Variants in DOCK11 observed in about 807,000 individuals in gnomAD.
DOCK11 encodes dedicator of cytokinesis 11.
Under a neutral mutation model 169.1 loss-of-function variants are expected in DOCK11, and 70 were observed. The ratio of observed to expected loss-of-function variants is 0.41; its 90% CI spans 0.34 to 0.51. The LOEUF (loss-of-function observed/expected upper bound fraction) is 0.51. DOCK11 is among the 20% of genes least tolerant of loss of function. DOCK11 has a pLI of 0.10. For missense variants in DOCK11, 1,166 were observed against 1,538.8 expected (o/e 0.76, Z 4.05); for synonymous variants, 529 against 541.3 (o/e 0.98, Z 0.32).
In DOCK11 at chrX:118,641,269, A is replaced by G. The variant is rs146918611; in HGVS notation, c.4224A>G (p.Val1408=). 1.5e-3 allele frequency: 1,796 copies of G among 1,202,999 alleles called. 1 individual carries two copies. Among genetic ancestry groups the G allele is most frequent in the Non-Finnish European group, 1.9e-3 (1,671 of 889,019 alleles). The change falls in exon 39 of 53, where the codon GTA becomes GTG. Residue 1408 remains valine, a synonymous_variant. Transcript: ENST00000276202. The part of the protein sequence containing the change: ...GNTATEVSLT[V]LDTISFFTQC... Reference sequence around the variant, plus strand: ...CAGCTACTGAAGTTTCCCTAACAGTACTAGACACCATATCATTTTTCACTC... The same window carrying G: ...CAGCTACTGAAGTTTCCCTAACAGTGCTAGACACCATATCATTTTTCACTC...
intron 18 of DOCK11, among the ~76,000 whole-genome samples, chrX:118,589,356 C>G (rs2013915629): frequency 9.0e-6 from 1 of 111,599 alleles, no homozygotes; most frequent in African/African-American, 3.3e-5. Context: ...TTTGTAGACC[C>G]AATGACTCTT....
intron 32 of DOCK11, among the ~76,000 whole-genome samples, 157 bp from the exon 33 acceptor site, chrX:118,627,346 TA>T (rs1191124377): frequency 9.0e-6 from 1 of 110,762 alleles, no homozygotes; most frequent in Non-Finnish European, 1.9e-5. Flanking sequence ...TTTTTTTTTT[TA>T]AAAAAGAGTC....
chrX:118,557,965 C>A (rs1485707597), intron 6 of DOCK11, among the ~76,000 whole-genome samples: 2 of 104,235 alleles, frequency 1.9e-5, no homozygotes, highest in Admixed American at 2.1e-4. Flanking sequence ...CAGTGACTTG[C>A]CTGTGTGAAC....
chrX:118,504,664 G>A (rs1014662777), intron 1 of DOCK11, among the ~76,000 whole-genome samples: 21 of 112,323 alleles, frequency 1.9e-4, no homozygotes, highest in African/African-American at 6.1e-4. Flanking sequence ...CTTAGAATAC[G>A]TTTCTCTTTG....
rs894781576 is a variant in DOCK11, at chrX:118,643,935, C to T, written c.4398+341C>T. On this transcript the variant is annotated intron_variant, in intron 40 of 52. Coordinates refer to ENST00000276202, the MANE Select transcript of DOCK11 (RefSeq NM_144658.4). ...TGGAGGTATATAAGCCATGAGTGCA[C>T]TCATGTCTAAACACTTTGAAAGGAT... Among the ~76,000 whole-genome samples, 5 of 111,727 alleles carry T rather than the reference C, an allele frequency of 4.5e-5. No homozygotes were observed. The East Asian group carries it at 1.1e-3, about 25-fold the overall frequency.
At chrX:118,585,610 G>A (rs1442665978) in intron 16 of DOCK11, among the ~76,000 whole-genome samples, 3 of 107,125 alleles carry the variant, frequency 2.8e-5, no homozygotes, top group Non-Finnish European at 5.8e-5. Flanking sequence ...GTGGGGGCGT[G>A]GATGCTTTTC....
At chrX:118,584,998 T>C (rs760459863) in intron 15 of DOCK11, 43 bp from the exon 16 acceptor site, 1 of 1,164,866 alleles carries the variant, frequency 8.6e-7, no homozygotes, top group African/African-American at 1.8e-5. Context: ...GTGCATTCAG[T>C]AATCATAATT....
At chrX:118,560,271 G>T (rs376580304) in intron 6 of DOCK11, among the ~76,000 whole-genome samples, 3 of 111,487 alleles carry the variant, frequency 2.7e-5, no homozygotes, top group East Asian at 2.8e-4. Flanking sequence ...CAGGTACTTT[G>T]CCAGACGTTA....
In DOCK11 at chrX:118,678,081, T is replaced by C. The variant is rs765812240; in HGVS notation, c.5460+1344T>C. ...ATAAGCAGTTCTGGCTTTTAAAATA[T>C]ATTTATTGTTTTCTCAGTTTGTGAA... is the stretch of plus-strand genomic sequence containing the variant. On this transcript the variant is annotated intron_variant, in intron 48 of 52. Transcript: ENST00000276202. 1.2e-4 allele frequency among the ~76,000 whole-genome samples: 14 copies of C among 112,681 alleles called. No homozygotes were observed. The South Asian group carries it at 5.1e-3, about 41-fold the overall frequency.
At chrX:118,661,132 C>T (rs1050004153) in intron 44 of DOCK11, among the ~76,000 whole-genome samples, 2 of 107,599 alleles carry the variant, frequency 1.9e-5, no homozygotes, top group African/African-American at 3.4e-5. Flanking sequence ...TGGCTTGAGT[C>T]CAGGAAGTCG....
intron 7 of DOCK11, among the ~76,000 whole-genome samples, chrX:118,564,980 G>A (rs756610718): frequency 1.8e-5 from 2 of 109,477 alleles, no homozygotes; most frequent in Non-Finnish European, 3.8e-5. Context: ...GTGTCGCCCC[G>A]GCTGGAGTGT....
At chrX:118,619,497 AATATAT>A (rs1556312711) in intron 31 of DOCK11, among the ~76,000 whole-genome samples, 14 of 90,819 alleles carry the variant, frequency 1.5e-4, no homozygotes, top group Admixed American at 5.2e-4. Flanking sequence ...AAAAAAAAAA[AATATAT>A]ATATATATAT....
At chrX:118,595,922 G>C (rs1414798406) in intron 20 of DOCK11, among the ~76,000 whole-genome samples, 5 of 110,940 alleles carry the variant, frequency 4.5e-5, no homozygotes, top group Non-Finnish European at 9.5e-5. Flanking sequence ...AGGGAAATGG[G>C]GAGTGACTTC....
At chrX:118,563,640 T>C (rs1603067699) in intron 7 of DOCK11, among the ~76,000 whole-genome samples, 1 of 108,983 alleles carries the variant, frequency 9.2e-6, no homozygotes, top group East Asian at 2.8e-4. Flanking sequence ...ACACACAATT[T>C]CCGGATTGAC....
chrX:118,681,025 A>G (rs555970202), intron 49 of DOCK11, 33 bp from the exon 50 acceptor site: 4 of 1,094,205 alleles, frequency 3.7e-6, no homozygotes, highest in East Asian at 3.1e-5. Flanking sequence ...ATGATTTTCT[A>G]AAGTCAGTAA....
intron 40 of DOCK11, among the ~76,000 whole-genome samples, chrX:118,647,806 AATATATATTATATTATT>A (rs1217542424): frequency 2.5e-4 from 11 of 44,020 alleles, no homozygotes; most frequent in African/African-American, 3.0e-4. Flanking sequence ...AATATATAAT[AATATATATTATATTATT>A]ATAATATAAT....
At chrX:118,520,687 G>C (rs747893346) in intron 1 of DOCK11, among the ~76,000 whole-genome samples, 8 of 111,623 alleles carry the variant, frequency 7.2e-5, no homozygotes, top group Admixed American at 2.9e-4. Flanking sequence ...AATATGATCA[G>C]GGTTCACCCT....
intron 45 of DOCK11, among the ~76,000 whole-genome samples, chrX:118,669,524 G>A (rs2016417540): frequency 9.0e-6 from 1 of 111,618 alleles, no homozygotes; most frequent in Non-Finnish European, 1.9e-5. Flanking sequence ...TTACGTGATG[G>A]AAGGGGGTGA....
chrX:118,516,825 G>A (rs956216095), intron 1 of DOCK11, among the ~76,000 whole-genome samples: 3 of 111,559 alleles, frequency 2.7e-5, no homozygotes, highest in African/African-American at 9.8e-5. Flanking sequence ...ATGCATATAC[G>A]ATATATGTGA....
Sources: allele counts gnomAD v4.1 joint callset (sites outside exome capture counted in the v4.1 genomes callset), GRCh38; gene constraint gnomAD v4.1.1; transcripts MANE v1.5; gene names NCBI Gene and HGNC (gene_info 2026-07-23, HGNC 2026-07-21).